MAGI1: variants seen among roughly 807,000 people sequenced by gnomAD.
The protein encoded by MAGI1 is membrane associated guanylate kinase, WW and PDZ domain containing 1, also known as membrane-associated guanylate kinase, WW and PDZ domain-containing protein 1.
A neutral mutation model predicts 139.9 loss-of-function variants in MAGI1; 58 were observed. The observed-to-expected ratio is 0.41, with a 90% CI of 0.34 to 0.52. The LOEUF (loss-of-function observed/expected upper bound fraction) is 0.52, where lower values mean the gene tolerates loss of function less well. Among genes scored for constraint, MAGI1 ranks in the 20% least tolerant of loss-of-function variants. The probability of loss-of-function intolerance (pLI) is 0.12; values close to 1 mark genes in which losing one functional copy is unlikely to be tolerated. For missense variants in MAGI1, 1,874 were observed against 1,901.6 expected (o/e 0.99, Z 0.27); for synonymous variants, 812 against 737.9 (o/e 1.10, Z -1.63).
intron 1 of MAGI1, among the ~76,000 whole-genome samples, chr3:65,950,794 G>A (rs1292026210): frequency 1.3e-5 from 2 of 152,144 alleles, no homozygotes; most frequent in East Asian, 1.9e-4. Context: ...TATGCACTGT[G>A]TGCTGTCACT....
At chr3:66,006,591 C>T (rs111566955) in intron 1 of MAGI1, among the ~76,000 whole-genome samples, 2 of 152,086 alleles carry the variant, frequency 1.3e-5, no homozygotes, top group African/African-American at 4.8e-5. Flanking sequence ...TGAAGTAAAG[C>T]TTTTTCATCT....
chr3:65,609,005 T>C (rs1403965622), intron 2 of MAGI1, among the ~76,000 whole-genome samples: 7 of 152,174 alleles, frequency 4.6e-5, no homozygotes, highest in African/African-American at 1.2e-4. Flanking sequence ...ACATACTTTA[T>C]CATTCCATTT....
At chr3:65,999,532 A>G (rs1346458081) in intron 1 of MAGI1, among the ~76,000 whole-genome samples, 1 of 152,196 alleles carries the variant, frequency 6.6e-6, no homozygotes, top group Non-Finnish European at 1.5e-5. Flanking sequence ...CCTTATGGCA[A>G]ATATATGGTG....
At chr3:65,370,794 A>G (rs920625913) in intron 18 of MAGI1, among the ~76,000 whole-genome samples, 1 of 152,294 alleles carries the variant, frequency 6.6e-6, no homozygotes, top group African/African-American at 2.4e-5. Context: ...TAGTTGGACT[A>G]CGGGTGCAAG....
At chr3:65,645,407 A>T (rs2085206062) in intron 1 of MAGI1, among the ~76,000 whole-genome samples, 1 of 152,188 alleles carries the variant, frequency 6.6e-6, no homozygotes, top group African/African-American at 2.4e-5. Flanking sequence ...AAGTCCTAGA[A>T]GAAACGAACT....
chr3:65,881,524 G>A (rs1216971261), intron 1 of MAGI1, among the ~76,000 whole-genome samples: 1 of 152,062 alleles, frequency 6.6e-6, no homozygotes, highest in African/African-American at 2.4e-5. Context: ...ATACTCAGGA[G>A]GCTGAGGCAG....
At chr3:65,916,265 C>T (rs931956319) in intron 1 of MAGI1, among the ~76,000 whole-genome samples, 3 of 151,988 alleles carry the variant, frequency 2.0e-5, no homozygotes, top group East Asian at 1.9e-4. Context: ...GACGGGGTTT[C>T]GCCATGATAG....
At chr3:65,818,174 C>T (rs773219029) in intron 1 of MAGI1, among the ~76,000 whole-genome samples, 1 of 152,134 alleles carries the variant, frequency 6.6e-6, no homozygotes. Context: ...CTGTCCCAGT[C>T]CAGAAAACAC....
chr3:65,483,912 A>G (rs1473407015), intron 3 of MAGI1, among the ~76,000 whole-genome samples: 1 of 152,232 alleles, frequency 6.6e-6, no homozygotes, highest in African/African-American at 2.4e-5. Flanking sequence ...GGCTTTATAA[A>G]ATATTTAAGG....
rs185821687 is a variant in MAGI1, at chr3:65,506,217, C to A, written c.431-12586G>T. On this transcript the variant is annotated intron_variant, in intron 2 of 22. Transcript: ENST00000402939. The stretch of plus-strand genomic sequence containing the variant: ...ATTTTGGGTCTTGGTTTCCTCATCT[C>A]TAAAATGGGAATAATAATAATGCAT... Among the ~76,000 whole-genome samples, 5 of 152,252 alleles carry A rather than the reference C, an allele frequency of 3.3e-5. No individual in the cohort carries two copies. In the East Asian group the frequency reaches 9.7e-4, roughly 29 times the overall value.
At chr3:65,664,184 A>G (rs142054746) in intron 1 of MAGI1, among the ~76,000 whole-genome samples, 5 of 152,308 alleles carry the variant, frequency 3.3e-5, no homozygotes, top group South Asian at 2.1e-4. Flanking sequence ...CAGAATGCTC[A>G]TAACAGGTTC....
chr3:65,876,125 C>CA (rs201926706), intron 1 of MAGI1, among the ~76,000 whole-genome samples: 4,709 of 113,122 alleles, frequency 0.042, 185 homozygotes, highest in East Asian at 0.14. Flanking sequence ...GAAAATTAAG[C>CA]AAAAAAAAAA....
At chr3:65,854,932 G>A (rs2059322721) in intron 1 of MAGI1, among the ~76,000 whole-genome samples, 1 of 152,240 alleles carries the variant, frequency 6.6e-6, no homozygotes, top group Admixed American at 6.5e-5. Flanking sequence ...ATCAAGGGCT[G>A]CAAAGTCAAA....
chr3:65,970,929 GCA>G, intron 1 of MAGI1, among the ~76,000 whole-genome samples: 1 of 152,314 alleles, frequency 6.6e-6, no homozygotes, highest in South Asian at 2.1e-4. Flanking sequence ...AATAGGCTGG[GCA>G]CGGTGGCTCA....
intron 1 of MAGI1, among the ~76,000 whole-genome samples, chr3:65,816,638 GAA>G (rs11295080): frequency 0.12 from 16,776 of 142,352 alleles, 1,123 homozygotes; most frequent in South Asian, 0.24. Flanking sequence ...GCTAACAGGG[GAA>G]AAAAAAAAAA....
chr3:65,409,267 A>G (rs1476945930), intron 12 of MAGI1, among the ~76,000 whole-genome samples: 1 of 152,236 alleles, frequency 6.6e-6, no homozygotes, highest in Non-Finnish European at 1.5e-5. Flanking sequence ...TTTATAATTC[A>G]CAGTGGTAAG....
At chr3:65,708,883 A>G (rs148857780) in intron 1 of MAGI1, among the ~76,000 whole-genome samples, 66 of 152,260 alleles carry the variant, frequency 4.3e-4, no homozygotes, top group African/African-American at 1.6e-3. Context: ...AGAAAGGAGA[A>G]ACGGTAAATC....
Position 65,363,539 on chromosome 3 carries a change from G to C in MAGI1, c.3421C>G (p.Arg1141Gly). The change falls in exon 21 of 23, where the codon CGA (arginine) becomes GGA (glycine). Residue 1141 changes from arginine (R) to glycine (G), a missense_variant. By Grantham distance (125) the Arg-to-Gly change is moderately radical. This residue lies in a region of MAGI1 where 653 missense variants were observed against 644.5 expected (regional missense o/e 1.01). Coordinates refer to ENST00000402939, the MANE Select transcript of MAGI1 (RefSeq NM_001033057.2). ...KGFGFSLRGG[R>G]EYNMDLYVLR... Reference sequence around the variant, plus strand: ...ACATAGAGGTCCATGTTATACTCTCGGCCTCCTCGAAGGCTAAAGCCAAAT... The same window carrying C: ...ACATAGAGGTCCATGTTATACTCTCCGCCTCCTCGAAGGCTAAAGCCAAAT... The C allele has an allele frequency of 1.2e-6, 2 of 1,613,974 alleles. No homozygotes were observed. Among genetic ancestry groups the C allele is most frequent in the Non-Finnish European group, 1.7e-6 (2 of 1,179,934 alleles).
intron 1 of MAGI1, among the ~76,000 whole-genome samples, chr3:65,846,557 A>C (rs531848125): frequency 6.6e-6 from 1 of 152,370 alleles, no homozygotes; most frequent in Non-Finnish European, 1.5e-5. Context: ...AGGTCCTTAT[A>C]GTAAGTCTGA....
Sources: allele counts gnomAD v4.1 joint callset (sites outside exome capture counted in the v4.1 genomes callset), GRCh38; gene constraint gnomAD v4.1.1; regional missense constraint gnomAD v4.1.1; transcripts MANE v1.5; gene names NCBI Gene and HGNC (gene_info 2026-07-23, HGNC 2026-07-21).